Variants in CCSER1 observed in about 807,000 individuals in gnomAD.
CCSER1 encodes coiled-coil serine rich protein 1, also known as serine-rich coiled-coil domain-containing protein 1.
In CCSER1, 41 loss-of-function variants were observed where a neutral mutation model predicts 82.0. The ratio of observed to expected loss-of-function variants is 0.50; its 90% CI spans 0.39 to 0.65. The LOEUF (loss-of-function observed/expected upper bound fraction) is 0.65. CCSER1 is among the 30% of genes least tolerant of loss of function. The pLI, the probability that CCSER1 is intolerant of heterozygous loss-of-function variation, is 0.00. For missense variants in CCSER1, 1,119 were observed against 1,064.2 expected (o/e 1.05, Z -0.72); for synonymous variants, 414 against 383.9 (o/e 1.08, Z -0.92).
At chr4:91,598,482 G>C (rs1764685747) in intron 10 of CCSER1, 90 bp from the exon 11 acceptor site, 10 of 1,339,366 alleles carry the variant, frequency 7.5e-6, no homozygotes, top group Non-Finnish European at 1.0e-5. Context: ...TACGGGTTCA[G>C]ACACAAATGT....
At chr4:91,509,696 C>A (rs1187066105) in intron 10 of CCSER1, among the ~76,000 whole-genome samples, 2 of 152,024 alleles carry the variant, frequency 1.3e-5, no homozygotes, top group Non-Finnish European at 1.5e-5. Flanking sequence ...TTCTGTTTTT[C>A]CCTTAAATTC....
chr4:90,237,352 G>A (rs771697006), intron 1 of CCSER1, among the ~76,000 whole-genome samples: 6 of 152,066 alleles, frequency 3.9e-5, no homozygotes, highest in Non-Finnish European at 8.8e-5. Context: ...TTAACAGTAT[G>A]TGTAAGAACT....
chr4:90,299,737 A>T (rs1382210975), intron 1 of CCSER1, among the ~76,000 whole-genome samples: 1 of 152,154 alleles, frequency 6.6e-6, no homozygotes, highest in Non-Finnish European at 1.5e-5. Flanking sequence ...GTTGAGATGT[A>T]GATAGCATGG....
intron 10 of CCSER1, among the ~76,000 whole-genome samples, chr4:91,574,254 T>A (rs1374323544): frequency 1.2e-5 from 1 of 85,142 alleles, no homozygotes; most frequent in African/African-American, 5.0e-5. Context: ...ACTGAGGTTC[T>A]GGAAAAAAAA....
chr4:91,521,429 G>T (rs1455861666), intron 10 of CCSER1, among the ~76,000 whole-genome samples: 1 of 152,112 alleles, frequency 6.6e-6, no homozygotes, highest in Non-Finnish European at 1.5e-5. Flanking sequence ...GGTATTTCTA[G>T]TTCTAGATCC....
chr4:90,279,486 A>G (rs765163224), intron 1 of CCSER1, among the ~76,000 whole-genome samples: 2 of 152,064 alleles, frequency 1.3e-5, no homozygotes, highest in Admixed American at 6.6e-5. Context: ...AGGTGCTGGA[A>G]TTCCCAAGAT....
chr4:90,166,133 T>G (rs1730409975), intron 1 of CCSER1, among the ~76,000 whole-genome samples: 1 of 152,040 alleles, frequency 6.6e-6, no homozygotes, highest in South Asian at 2.1e-4. Flanking sequence ...TTTTCCACTT[T>G]CAGTACAGTA....
chr4:91,108,577 A>G (rs1725835537), intron 10 of CCSER1, among the ~76,000 whole-genome samples: 1 of 152,224 alleles, frequency 6.6e-6, no homozygotes. Flanking sequence ...TTTACTTTAT[A>G]CTCTGACGTA....
intron 8 of CCSER1, among the ~76,000 whole-genome samples, chr4:90,879,355 T>G (rs530444987): frequency 3.9e-4 from 60 of 152,244 alleles, no homozygotes; most frequent in African/African-American, 1.4e-3. Flanking sequence ...GGGTTTTGCC[T>G]TCCTGTTGAA....
At chr4:91,366,977 G>A (rs922889134) in intron 10 of CCSER1, among the ~76,000 whole-genome samples, 1 of 151,776 alleles carries the variant, frequency 6.6e-6, no homozygotes, top group Non-Finnish European at 1.5e-5. Context: ...ATAATTAGCA[G>A]CAATCAAAAA....
At chr4:90,914,214 C>T (rs1396705197) in intron 8 of CCSER1, among the ~76,000 whole-genome samples, 1 of 152,184 alleles carries the variant, frequency 6.6e-6, no homozygotes, top group Non-Finnish European at 1.5e-5. Flanking sequence ...CCACACTGCA[C>T]TTATTCCAAA....
intron 5 of CCSER1, among the ~76,000 whole-genome samples, chr4:90,578,040 G>A (rs562278412): frequency 1.3e-5 from 2 of 152,152 alleles, no homozygotes; most frequent in African/African-American, 4.8e-5. Flanking sequence ...TGTCAAACGT[G>A]GGTTAGACTC....
At chr4:91,137,806 G>T (rs1728631850) in intron 10 of CCSER1, among the ~76,000 whole-genome samples, 1 of 151,428 alleles carries the variant, frequency 6.6e-6, no homozygotes, top group African/African-American at 2.4e-5. Flanking sequence ...CAAACAGAGA[G>T]CCAAATCATG....
intron 1 of CCSER1, among the ~76,000 whole-genome samples, chr4:90,222,681 T>C (rs1434074658): frequency 6.6e-6 from 1 of 152,204 alleles, no homozygotes; most frequent in East Asian, 1.9e-4. Context: ...TTTTTCCTTG[T>C]TTTCAATGTA....
At chr4:90,884,205 A>G (rs544392965) in intron 8 of CCSER1, among the ~76,000 whole-genome samples, 5 of 152,326 alleles carry the variant, frequency 3.3e-5, no homozygotes, top group African/African-American at 4.8e-5. Flanking sequence ...TACTGAAATC[A>G]TGCCAAGATG....
At chr4:91,409,605 C>G (rs926111388) in intron 10 of CCSER1, among the ~76,000 whole-genome samples, 4 of 152,170 alleles carry the variant, frequency 2.6e-5, no homozygotes, top group African/African-American at 9.7e-5. Context: ...TTTATACATT[C>G]AAAATCTTAT....
intron 8 of CCSER1, among the ~76,000 whole-genome samples, chr4:90,906,070 T>G (rs1725425839): frequency 6.6e-6 from 1 of 152,174 alleles, no homozygotes; most frequent in South Asian, 2.1e-4. Flanking sequence ...AGTCCAGCTT[T>G]AAATGTCTTT....
intron 10 of CCSER1, among the ~76,000 whole-genome samples, chr4:91,542,050 G>A (rs1000174575): frequency 6.6e-5 from 10 of 151,886 alleles, no homozygotes; most frequent in Non-Finnish European, 1.0e-4. Context: ...CTGTTAATAC[G>A]CTTCATCCAA....
intron 1 of CCSER1, among the ~76,000 whole-genome samples, chr4:90,247,307 G>A (rs762512868): frequency 3.4e-4 from 52 of 152,060 alleles, no homozygotes; most frequent in African/African-American, 1.1e-3. Context: ...TTCTTATCTC[G>A]TACAGAGTTG....
Sources: allele counts gnomAD v4.1 joint callset (sites outside exome capture counted in the v4.1 genomes callset), GRCh38; gene constraint gnomAD v4.1.1; transcripts MANE v1.5; gene names NCBI Gene and HGNC (gene_info 2026-07-23, HGNC 2026-07-21).